WARS2: variants seen among roughly 807,000 people sequenced by gnomAD.
WARS2 encodes the protein tryptophanyl tRNA synthetase 2, mitochondrial, also known as tryptophan--tRNA ligase, mitochondrial.
A neutral mutation model predicts 36.5 loss-of-function variants in WARS2; 28 were observed. The ratio of observed to expected loss-of-function variants is 0.77; its 90% CI spans 0.57 to 1.05. WARS2 has a LOEUF of 1.05. Among genes scored for constraint, WARS2 ranks in the 50% least tolerant of loss-of-function variants. The pLI, the probability that WARS2 is intolerant of heterozygous loss-of-function variation, is 0.00. For missense variants in WARS2, 435 were observed against 456.8 expected (o/e 0.95, Z 0.44); for synonymous variants, 174 against 178.4 (o/e 0.98, Z 0.20).
chr1:119,134,089 A>G (rs1037537222), intron 1 of WARS2, among the ~76,000 whole-genome samples: 17 of 151,968 alleles, frequency 1.1e-4, no homozygotes, highest in Admixed American at 1.0e-3. Flanking sequence ...TACACCTATC[A>G]TCTCAAGAAA....
chr1:119,094,354 T>C (rs181611450), intron 1 of WARS2, among the ~76,000 whole-genome samples: 9 of 152,266 alleles, frequency 5.9e-5, no homozygotes, highest in Non-Finnish European at 1.0e-4. Flanking sequence ...CCATGATCAA[T>C]TATTGCTCTC....
At chr1:119,072,208 C>T (rs978246520) in intron 2 of WARS2, among the ~76,000 whole-genome samples, 1 of 152,154 alleles carries the variant, frequency 6.6e-6, no homozygotes, top group Non-Finnish European at 1.5e-5. Context: ...AGGACCTTTC[C>T]ATCATCACCC....
At chr1:119,087,575 G>T (rs1652763995) in intron 1 of WARS2, among the ~76,000 whole-genome samples, 2 of 152,140 alleles carry the variant, frequency 1.3e-5, no homozygotes, top group Non-Finnish European at 2.9e-5. Context: ...CCATAAAATT[G>T]TTTCTGTGGG....
intron 1 of WARS2, among the ~76,000 whole-genome samples, chr1:119,135,715 C>T (rs796407462): frequency 5.0e-4 from 74 of 147,078 alleles, no homozygotes; most frequent in Middle Eastern, 3.4e-3. Flanking sequence ...ATTAGATAGA[C>T]AGATAGATAG....
chr1:119,045,645 T>TTG lies in WARS2; in HGVS notation c.364_365dup (p.Gln122HisfsTer3). Reference sequence around the variant, plus strand: ...CCATGCAGGAAAGGATCCAACTTAATTGTGTGTGTTCAGACACCTAAAGAA... The same window carrying TTG: ...CCATGCAGGAAAGGATCCAACTTAATTGTGTGTGTGTTCAGACACCTAAAGAA... On this transcript the variant is annotated frameshift_variant, in exon 3 of 6. Transcript: ENST00000235521. LOFTEE classifies it high-confidence loss of function. 1.3e-6 allele frequency: 2 copies of TTG among 1,590,634 alleles called. No homozygotes were observed. The highest frequency in any genetic ancestry group is 1.7e-6 in the Non-Finnish European group (2 of 1,165,178).
chr1:119,075,402 C>T (rs1379716972), intron 2 of WARS2, among the ~76,000 whole-genome samples: 1 of 152,078 alleles, frequency 6.6e-6, no homozygotes, highest in Non-Finnish European at 1.5e-5. Flanking sequence ...ATTTTGGTAG[C>T]TTTGGTGGTC....
chr1:119,102,343 G>A (rs1336979191), intron 1 of WARS2, among the ~76,000 whole-genome samples: 1 of 152,108 alleles, frequency 6.6e-6, no homozygotes, highest in African/African-American at 2.4e-5. Context: ...CTATTTAACC[G>A]GTAACCTCAG....
chr1:119,035,875 A>G (rs1003088496), intron 4 of WARS2, among the ~76,000 whole-genome samples: 10 of 152,222 alleles, frequency 6.6e-5, no homozygotes, highest in Non-Finnish European at 1.5e-5. Context: ...GGACCATGAC[A>G]GCAGACCCAG....
At chr1:119,094,357 T>C (rs1653264668) in intron 1 of WARS2, among the ~76,000 whole-genome samples, 2 of 152,122 alleles carry the variant, frequency 1.3e-5, no homozygotes, top group African/African-American at 2.4e-5. Flanking sequence ...TGATCAATTA[T>C]TGCTCTCCAA....
intron 2 of WARS2, among the ~76,000 whole-genome samples, chr1:119,054,429 C>T (rs1304686046): frequency 6.6e-6 from 1 of 151,960 alleles, no homozygotes; most frequent in Non-Finnish European, 1.5e-5. Flanking sequence ...TATGGAGTAA[C>T]TAGAACTCTT....
At chr1:119,112,637 AATGAAGT>A (rs1654721334) in intron 1 of WARS2, among the ~76,000 whole-genome samples, 1 of 152,158 alleles carries the variant, frequency 6.6e-6, no homozygotes, top group Admixed American at 6.6e-5. Context: ...CTATTTTCTT[AATGAAGT>A]ATGAAGTGAG....
chr1:119,092,346 T>C lies in WARS2; in HGVS notation c.91-15739A>G, dbSNP rs117514246. 9.8e-5 allele frequency among the ~76,000 whole-genome samples: 15 copies of C among 152,350 alleles called. No individual in the cohort carries two copies. In the East Asian group the frequency reaches 2.7e-3, roughly 27 times the overall value. ...GTCACCAATTCTTCATGTTTTACCA[T>C]AGCTGCATAATGTATACATTTAAAA... On this transcript the variant is annotated intron_variant, in intron 1 of 5. Transcript: ENST00000235521.
chr1:119,048,425 A>G (rs1230734422), intron 2 of WARS2, among the ~76,000 whole-genome samples: 2 of 152,214 alleles, frequency 1.3e-5, no homozygotes, highest in African/African-American at 4.8e-5. Flanking sequence ...TATTATTACA[A>G]TTTTTAGAAA....
chr1:119,120,844 T>C (rs1489637096), intron 1 of WARS2, among the ~76,000 whole-genome samples: 2 of 152,072 alleles, frequency 1.3e-5, no homozygotes, highest in African/African-American at 2.4e-5. Context: ...AAATCTAACA[T>C]TCCTTTATGA....
rs1415263275 is a variant in WARS2, at chr1:119,085,850, A to G, written c.91-9243T>C. 1.9e-6 allele frequency: 3 copies of G among 1,610,348 alleles called. No homozygotes were observed. The African/African-American group carries it at 4.0e-5, about 22-fold the overall frequency. ...GAAGCCCTCCCAGGAAGATCCAGGCACTGTCCTTGTACTCGGAGTGCCAGG... is the reference window on the plus strand; with the variant it reads ...GAAGCCCTCCCAGGAAGATCCAGGCGCTGTCCTTGTACTCGGAGTGCCAGG... On this transcript the variant is annotated intron_variant, in intron 1 of 5. Transcript: ENST00000235521.
intron 1 of WARS2, among the ~76,000 whole-genome samples, chr1:119,109,043 G>A (rs1256172877): frequency 2.6e-5 from 4 of 151,850 alleles, no homozygotes. Context: ...TTCTGTTACT[G>A]ACTACTAGTT....
Position 119,033,157 on chromosome 1 carries a change from A to G in WARS2, c.837T>C (p.His279=), listed in dbSNP as rs755664136. 4 of 1,614,034 alleles carry G rather than the reference A, an allele frequency of 2.5e-6. No homozygotes were observed. The African/African-American group carries it at 5.3e-5, about 22-fold the overall frequency. ...RAGVSNIVAV[H]AAVTGLSVEE... ...CCACGGAGAGCCCCGTCACCGCGGCATGCACCGCCACTATGTTGGACACGC... is the reference window on the plus strand; with the variant it reads ...CCACGGAGAGCCCCGTCACCGCGGCGTGCACCGCCACTATGTTGGACACGC... Residue 279 remains histidine (H), a synonymous_variant, in exon 6 of 6, where the codon CAT becomes CAC. Transcript: ENST00000235521.
chr1:119,038,951 G>A (rs938903878), intron 4 of WARS2, among the ~76,000 whole-genome samples: 16 of 152,248 alleles, frequency 1.1e-4, no homozygotes, highest in African/African-American at 3.8e-4. Context: ...CAAAGTGCTG[G>A]GATTACAGGC....
At chr1:119,080,978 A>G (rs1652148515) in intron 1 of WARS2, among the ~76,000 whole-genome samples, 1 of 152,188 alleles carries the variant, frequency 6.6e-6, no homozygotes, top group Admixed American at 6.5e-5. Flanking sequence ...GTAGGTCTTC[A>G]TTTCATTTCA....
Sources: gnomAD v4.1 joint callset for allele counts (sites outside exome capture counted in the v4.1 genomes callset) on GRCh38, gnomAD v4.1.1 for gene constraint, MANE v1.5 for transcripts, NCBI Gene and HGNC (gene_info 2026-07-23, HGNC 2026-07-21) for gene names.